Variants in ATG5 observed in about 807,000 individuals in gnomAD.
ATG5 encodes the protein autophagy related 5, also known as autophagy protein 5.
ATG5 carries 14 observed loss-of-function variants against 36.5 expected under a neutral mutation model. That is an observed-to-expected ratio of 0.38 (90% confidence interval 0.25 to 0.60). ATG5 has a LOEUF of 0.60. ATG5 is among the 20% of genes least tolerant of loss of function. ATG5 has a pLI of 0.60. For synonymous variants in ATG5, 95 were observed against 101.5 expected, an observed-to-expected ratio of 0.94 and a Z score of 0.38; for missense variants, 195 against 326.7, an observed-to-expected ratio of 0.60 and a Z score of 3.11.
At chr6:106,196,228 A>G (rs73522605) in intron 7 of ATG5, among the ~76,000 whole-genome samples, 3,139 of 152,334 alleles carry the variant, frequency 0.021, 106 homozygotes, top group African/African-American at 0.068. Context: ...CAGATTAGAT[A>G]CTAAACACAA....
intron 7 of ATG5, among the ~76,000 whole-genome samples, chr6:106,187,279 A>G (rs1012107672): frequency 1.4e-4 from 21 of 152,192 alleles, no homozygotes; most frequent in African/African-American, 5.1e-4. Flanking sequence ...TTCCTGTTTT[A>G]GAGTCATAAA....
Position 106,210,370 on chromosome 6 carries a change from A to G in ATG5, c.574-8281T>C, listed in dbSNP as rs573681016. Among the ~76,000 whole-genome samples, 5 of 152,374 alleles carry G rather than the reference A, an allele frequency of 3.3e-5. No homozygotes were observed. The South Asian group carries it at 1.0e-3, about 32-fold the overall frequency. On this transcript the variant is annotated intron_variant, in intron 6 of 7. Coordinates refer to ENST00000369076, the MANE Select transcript of ATG5 (RefSeq NM_004849.4). ...GTAATTATTACAATGTATAAATCTT[A>G]TAAGAACCAAAATCAGAATTAAAAT...
intron 6 of ATG5, among the ~76,000 whole-genome samples, chr6:106,221,098 T>C (rs933805234): frequency 2.6e-5 from 4 of 152,160 alleles, no homozygotes; most frequent in Non-Finnish European, 4.4e-5. Flanking sequence ...AAATCAATCA[T>C]TAAAGCAGCA....
chr6:106,272,851 A>T (rs557648889), intron 5 of ATG5, among the ~76,000 whole-genome samples: 4 of 152,370 alleles, frequency 2.6e-5, no homozygotes, highest in African/African-American at 9.6e-5. Flanking sequence ...TTGATTAAAC[A>T]TGAGAGTATA....
At chr6:106,315,579 TATAAC>T (rs1255226580) in intron 2 of ATG5, among the ~76,000 whole-genome samples, 1 of 152,082 alleles carries the variant, frequency 6.6e-6, no homozygotes, top group Admixed American at 6.6e-5. Context: ...TTAGCTCACA[TATAAC>T]ATACAATAGC....
chr6:106,216,577 A>G (rs1031190254), intron 6 of ATG5, among the ~76,000 whole-genome samples: 4 of 152,160 alleles, frequency 2.6e-5, no homozygotes, highest in Admixed American at 2.6e-4. Context: ...GGCTGGAGGG[A>G]GGGGGAATGA....
rs564503059 is a variant in ATG5, at chr6:106,185,974, T to C, written c.*566A>G. The C allele has an allele frequency of 2.0e-4, 31 of 152,952 alleles. No individual in the cohort carries two copies. The highest frequency in any genetic ancestry group is 7.2e-4 in the African/African-American group (30 of 41,580). 9.5% of individuals were successfully genotyped at this position (152,952 alleles called of 1,614,324 possible). A position where few individuals can be genotyped will look rare whatever the true frequency, so the allele number is the denominator to read the frequency against. On this transcript the variant is annotated 3_prime_UTR_variant, in exon 8 of 8. Transcript: ENST00000369076. ...TTTAAAAATCTCTCACTGTTCATTA[T>C]CAAAGTTACAAGATTGCATACCAAT...
rs1775697964 is a variant in ATG5 at position 106,184,589 on chromosome 6, T to C, written c.*1951A>G. 6.6e-6 allele frequency: 1 copy of C among 152,330 alleles called. No individual in the cohort carries two copies. Among genetic ancestry groups the C allele is most frequent in the Non-Finnish European group, 1.5e-5 (1 of 68,008 alleles). 9.4% of individuals were successfully genotyped at this position (152,330 alleles called of 1,614,324 possible). ...GTTTTACTCTTCCTCTAGGGCATTG[T>C]AGGCTTGACTTACCTGGGATTAGAG... On this transcript the variant is annotated 3_prime_UTR_variant, in exon 8 of 8. Coordinates refer to ENST00000369076, the MANE Select transcript of ATG5 (RefSeq NM_004849.4).
intron 6 of ATG5, among the ~76,000 whole-genome samples, chr6:106,232,118 C>A (rs1777717385): frequency 6.6e-6 from 1 of 152,164 alleles, no homozygotes; most frequent in Non-Finnish European, 1.5e-5. Context: ...ACTGAGAGTG[C>A]CCGGGGCAAG....
chr6:106,259,604 T>C (rs1023638741), intron 5 of ATG5, among the ~76,000 whole-genome samples: 2 of 152,210 alleles, frequency 1.3e-5, no homozygotes, highest in Admixed American at 1.3e-4. Context: ...TTTCCCTTCA[T>C]CACCTTGTCT....
At position 106,279,815 on chromosome 6, in the gene ATG5, T is replaced by C. The variant is rs370059690; in HGVS notation, c.324A>G (p.Pro108=). 55 of 1,501,474 alleles carry C rather than the reference T, an allele frequency of 3.7e-5. 1 individual carries two copies. Among genetic ancestry groups the C allele is most frequent in the Middle Eastern group, 1.8e-4 (1 of 5,574 alleles). The allele number at this position is 1,501,474 out of a possible 1,614,324, so 93.0% of individuals were successfully genotyped here. A position where few individuals can be genotyped will look rare whatever the true frequency, so the allele number is the denominator to read the frequency against. The change falls in exon 5 of 8, where the codon CCA becomes CCG. Residue 108 remains proline, a synonymous_variant. Coordinates refer to ENST00000369076, the MANE Select transcript of ATG5 (RefSeq NM_004849.4). The part of the protein sequence containing the change: ...WNITVHFKSF[P]EKDLLHCPSK... ...ATGGACAGTGCAGAAGGTCTTTTTC[T>C]GGAAAACTCTATCAAAGGAAAAAAT... is the stretch of plus-strand genomic sequence containing the variant.
At position 106,185,795 on chromosome 6, in the gene ATG5, G is replaced by A. The variant is rs1322052479; in HGVS notation, c.*745C>T. ...AATTCTATGACAGCTTCTGAGACAAGTAATCCTATGCCCTATATCCACCCC... is the reference window on the plus strand; with the variant it reads ...AATTCTATGACAGCTTCTGAGACAAATAATCCTATGCCCTATATCCACCCC... On this transcript the variant is annotated 3_prime_UTR_variant, in exon 8 of 8. Transcript: ENST00000369076. The A allele has an allele frequency of 6.6e-6, 1 of 152,384 alleles. No individual in the cohort carries two copies. Among genetic ancestry groups the A allele is most frequent in the Non-Finnish European group, 1.5e-5 (1 of 68,046 alleles). 9.4% of individuals were successfully genotyped at this position (152,384 alleles called of 1,614,324 possible). A position where few individuals can be genotyped will look rare whatever the true frequency, so the allele number is the denominator to read the frequency against.
At chr6:106,226,909 C>T (rs540378641) in intron 6 of ATG5, among the ~76,000 whole-genome samples, 2 of 151,142 alleles carry the variant, frequency 1.3e-5, no homozygotes, top group South Asian at 2.1e-4. Flanking sequence ...AGGTCAATTG[C>T]GAGAAAGAGA....
intron 4 of ATG5, among the ~76,000 whole-genome samples, chr6:106,285,723 A>G (rs1002392758): frequency 2.6e-5 from 4 of 152,228 alleles, no homozygotes; most frequent in Non-Finnish European, 5.9e-5. Context: ...ATGAATTTCC[A>G]TGAGTGGATG....
At chr6:106,187,780 TG>T (rs1734325322) in intron 7 of ATG5, among the ~76,000 whole-genome samples, 1 of 152,156 alleles carries the variant, frequency 6.6e-6, no homozygotes, top group Non-Finnish European at 1.5e-5. Context: ...GGCTGGCACC[TG>T]AAACAAGAGA....
intron 6 of ATG5, among the ~76,000 whole-genome samples, chr6:106,238,287 A>C (rs147906658): frequency 2.3e-4 from 35 of 152,310 alleles, no homozygotes; most frequent in African/African-American, 8.2e-4. Flanking sequence ...AAGTGAACAA[A>C]TCATACTTTT....
chr6:106,313,427 G>T (rs1304356247), intron 2 of ATG5, among the ~76,000 whole-genome samples: 1 of 152,188 alleles, frequency 6.6e-6, no homozygotes, highest in African/African-American at 2.4e-5. Flanking sequence ...AAGGGTCCAT[G>T]ACATTGATGA....
chr6:106,272,444 TCAC>T (rs751267188), intron 5 of ATG5, among the ~76,000 whole-genome samples: 1 of 152,206 alleles, frequency 6.6e-6, no homozygotes, highest in Non-Finnish European at 1.5e-5. Context: ...TCGATCTTGA[TCAC>T]CACATTCTAG....
At chr6:106,222,545 A>G (rs1344224450) in intron 6 of ATG5, among the ~76,000 whole-genome samples, 1 of 152,216 alleles carries the variant, frequency 6.6e-6, no homozygotes, top group African/African-American at 2.4e-5. Context: ...TGAGGGCAGT[A>G]AGCAACCGAA....
Sources: gnomAD v4.1 joint callset for allele counts (sites outside exome capture counted in the v4.1 genomes callset) on GRCh38, gnomAD v4.1.1 for gene constraint, MANE v1.5 for transcripts, NCBI Gene and HGNC (gene_info 2026-07-23, HGNC 2026-07-21) for gene names.